Variants in SEMA6D observed in about 807,000 individuals in gnomAD.
SEMA6D encodes the protein semaphorin 6D.
A neutral mutation model predicts 106.6 loss-of-function variants in SEMA6D; 35 were observed. The observed-to-expected ratio is 0.33, with a 90% confidence interval of 0.25 to 0.44. The LOEUF is 0.44. SEMA6D is among the 20% of genes least tolerant of loss of function. The pLI is 1.00. For synonymous variants in SEMA6D, 499 were observed against 487.7 expected, an observed-to-expected ratio of 1.02 and a Z score of -0.31; for missense variants, 1,185 against 1,345.9, an observed-to-expected ratio of 0.88 and a Z score of 1.87.
chr15:47,225,147 T>G lies in SEMA6D; in HGVS notation c.-239+40729T>G, dbSNP rs180760557. 3.7e-4 allele frequency among the ~76,000 whole-genome samples: 57 copies of G among 152,026 alleles called. 1 individual carries two copies. Among genetic ancestry groups the G allele is most frequent in the Non-Finnish European group, 1.5e-5 (1 of 67,946 alleles). On this transcript the variant is annotated intron_variant, in intron 1 of 19. Coordinates refer to the SEMA6D transcript ENST00000558014. ...AACTCTGGAGACTTGAGGAAGAAGG[T>G]ACAAAGCTATTTCATATACACCCTG...
chr15:47,544,278 G>A (rs2045447291), intron 3 of SEMA6D, among the ~76,000 whole-genome samples: 1 of 152,160 alleles, frequency 6.6e-6, no homozygotes, highest in East Asian at 1.9e-4. Flanking sequence ...CCAAAATAAA[G>A]TGTGCTCTGA....
In SEMA6D at chr15:47,352,362, C is replaced by T. The variant is rs188908222; in HGVS notation, c.-238-60031C>T. 7.2e-5 allele frequency among the ~76,000 whole-genome samples: 11 copies of T among 152,190 alleles called. No homozygotes were observed. The East Asian group carries it at 1.7e-3, about 24-fold the overall frequency. ...GAAGATAAGATGTCTTATCTAGAGA[C>T]GAATAACCTTTTTTATCTTTAACAA... On this transcript the variant is annotated intron_variant, in intron 1 of 19. Coordinates refer to the SEMA6D transcript ENST00000558014.
intron 1 of SEMA6D, among the ~76,000 whole-genome samples, chr15:47,347,781 C>G (rs2038106118): frequency 6.6e-6 from 1 of 152,130 alleles, no homozygotes. Context: ...CTGGATCTCT[C>G]TGAAAGAAAT....
intron 1 of SEMA6D, among the ~76,000 whole-genome samples, chr15:47,739,485 T>A (rs943553369): frequency 6.6e-6 from 1 of 152,188 alleles, no homozygotes; most frequent in African/African-American, 2.4e-5. Flanking sequence ...TAATCATCTG[T>A]GTAGTTGCTC....
At chr15:47,216,391 G>A (rs962434795) in intron 1 of SEMA6D, among the ~76,000 whole-genome samples, 1 of 152,108 alleles carries the variant, frequency 6.6e-6, no homozygotes, top group African/African-American at 2.4e-5. Flanking sequence ...ATTTAAAGCC[G>A]TTTGCCAATG....
intron 1 of SEMA6D, among the ~76,000 whole-genome samples, chr15:47,758,658 C>A (rs1436920373): frequency 6.6e-6 from 1 of 152,046 alleles, no homozygotes; most frequent in Non-Finnish European, 1.5e-5. Flanking sequence ...ATTTAATGTA[C>A]AATTTGATTA....
intron 1 of SEMA6D, among the ~76,000 whole-genome samples, chr15:47,253,770 C>G (rs2033645759): frequency 6.6e-6 from 1 of 152,034 alleles, no homozygotes; most frequent in Non-Finnish European, 1.5e-5. Flanking sequence ...CTAGTATATT[C>G]TGAAGTCAAG....
At chr15:47,287,671 A>G (rs1409872891) in intron 1 of SEMA6D, among the ~76,000 whole-genome samples, 8 of 152,176 alleles carry the variant, frequency 5.3e-5, no homozygotes, top group Admixed American at 1.3e-4. Flanking sequence ...TAATTTTTCA[A>G]TGACACCAGC....
intron 4 of SEMA6D, among the ~76,000 whole-genome samples, chr15:47,626,466 T>G (rs903952220): frequency 1.3e-5 from 2 of 152,170 alleles, no homozygotes; most frequent in African/African-American, 2.4e-5. Context: ...CTTTCTGAAT[T>G]CCTGTTGTCA....
At chr15:47,620,707 TATACACAC>T in intron 4 of SEMA6D, among the ~76,000 whole-genome samples, 1 of 124,486 alleles carries the variant, frequency 8.0e-6, no homozygotes, top group Admixed American at 7.8e-5. Context: ...TATATATATA[TATACACAC>T]ATATATATAT....
chr15:47,580,480 T>C (rs1277189384), intron 3 of SEMA6D, among the ~76,000 whole-genome samples: 8 of 152,230 alleles, frequency 5.3e-5, no homozygotes, highest in Admixed American at 5.2e-4. Context: ...ATGTTTGTGG[T>C]TGTCTTCACA....
intron 1 of SEMA6D, among the ~76,000 whole-genome samples, chr15:47,380,052 G>A (rs1055331685): frequency 2.6e-5 from 4 of 152,114 alleles, no homozygotes; most frequent in East Asian, 1.9e-4. Context: ...CACCATGCCC[G>A]GCCAAGATTT....
chr15:47,363,830 A>G (rs1291027596), intron 1 of SEMA6D, among the ~76,000 whole-genome samples: 3 of 152,150 alleles, frequency 2.0e-5, no homozygotes, highest in Non-Finnish European at 4.4e-5. Context: ...ATGGCTTGGG[A>G]GGCCTCAGGA....
chr15:47,453,248 T>G (rs2042244166), intron 2 of SEMA6D, among the ~76,000 whole-genome samples: 1 of 151,780 alleles, frequency 6.6e-6, no homozygotes, highest in Non-Finnish European at 1.5e-5. Context: ...ATAAATTTAA[T>G]TAATTTATTT....
chr15:47,620,224 C>G (rs955612003), intron 4 of SEMA6D, among the ~76,000 whole-genome samples: 1 of 152,128 alleles, frequency 6.6e-6, no homozygotes, highest in Non-Finnish European at 1.5e-5. Context: ...GCATGCCCAC[C>G]CTGTGCACAT....
intron 2 of SEMA6D, among the ~76,000 whole-genome samples, chr15:47,469,823 G>A (rs1596077454): frequency 6.6e-6 from 1 of 152,014 alleles, no homozygotes; most frequent in African/African-American, 2.4e-5. Flanking sequence ...TATATTAAAA[G>A]TGTTATTATT....
At chr15:47,298,405 ACC>A (rs924649277) in intron 1 of SEMA6D, among the ~76,000 whole-genome samples, 9 of 152,010 alleles carry the variant, frequency 5.9e-5, no homozygotes, top group Non-Finnish European at 1.0e-4. Context: ...AGTCAAAAAT[ACC>A]AAAAACATTT....
At chr15:47,598,654 T>C (rs1164963726) in intron 3 of SEMA6D, among the ~76,000 whole-genome samples, 2 of 152,138 alleles carry the variant, frequency 1.3e-5, no homozygotes, top group African/African-American at 2.4e-5. Flanking sequence ...TTTTTAAAAG[T>C]CTTTCCAGCT....
chr15:47,193,864 TA>T, intron 1 of SEMA6D, among the ~76,000 whole-genome samples: 1 of 152,224 alleles, frequency 6.6e-6, no homozygotes, highest in Non-Finnish European at 1.5e-5. Flanking sequence ...CTTTATTCCT[TA>T]TTGTCTCTTT....
Sources: gnomAD v4.1 joint callset for allele counts (sites outside exome capture counted in the v4.1 genomes callset) on GRCh38, gnomAD v4.1.1 for gene constraint, MANE v1.5 for transcripts, NCBI Gene and HGNC (gene_info 2026-07-23, HGNC 2026-07-21) for gene names.